ZFYVE9: variants seen among roughly 807,000 people sequenced by gnomAD.
ZFYVE9 encodes the protein zinc finger FYVE-type containing 9, also known as zinc finger FYVE domain-containing protein 9.
A neutral mutation model predicts 126.7 loss-of-function variants in ZFYVE9; 43 were observed. The observed-to-expected ratio is 0.34, with a 90% CI of 0.27 to 0.44. The LOEUF is 0.44. Among genes scored for constraint, ZFYVE9 ranks in the 20% least tolerant of loss-of-function variants. The pLI, the probability that ZFYVE9 is intolerant of heterozygous loss-of-function variation, is 1.00. For missense variants in ZFYVE9, 1,476 were observed against 1,697.0 expected (o/e 0.87, Z 2.29); for synonymous variants, 521 against 597.4 (o/e 0.87, Z 1.87).
In ZFYVE9 at chr1:52,263,753, TCC is replaced by T. The variant is rs58847260; in HGVS notation, c.2179-6_2179-5del. 3,962 of 709,446 alleles carry T rather than the reference TCC, an allele frequency of 5.6e-3. 6 individuals are homozygous for T. Among genetic ancestry groups the T allele is most frequent in the South Asian group, 0.021 (937 of 43,754 alleles). The allele number at this position is 709,446 out of a possible 1,614,324, so 43.9% of individuals were successfully genotyped here. A position where few individuals can be genotyped will look rare whatever the true frequency, so the allele number is the denominator to read the frequency against. ...ATCCCAAGTAAATTTTGTGTGTTCTTCCCCCCCCCCCCCCCACAGGTTTTCTG... is the reference window on the plus strand; with the variant it reads ...ATCCCAAGTAAATTTTGTGTGTTCTTCCCCCCCCCCCCCACAGGTTTTCTG... On this transcript the variant is annotated intron_variant, in intron 4 of 18. Coordinates refer to ENST00000287727, the MANE Select transcript of ZFYVE9 (RefSeq NM_004799.4).
chr1:52,207,683 TC>T (rs1275406897), intron 1 of ZFYVE9, among the ~76,000 whole-genome samples: 1 of 152,262 alleles, frequency 6.6e-6, no homozygotes, highest in Non-Finnish European at 1.5e-5. Context: ...ACTTTTTCGT[TC>T]CTAGTTTTCT....
chr1:52,318,555 G>A (rs183957607), intron 13 of ZFYVE9, among the ~76,000 whole-genome samples: 1 of 151,926 alleles, frequency 6.6e-6, no homozygotes, highest in African/African-American at 2.4e-5. Flanking sequence ...TGTTTTTATT[G>A]AGCATTGTAA....
At chr1:52,184,393 ATTTTTTTTTTT>A (rs57242903) in intron 1 of ZFYVE9, among the ~76,000 whole-genome samples, 1 of 115,072 alleles carries the variant, frequency 8.7e-6, no homozygotes, top group African/African-American at 3.4e-5. Flanking sequence ...AGTCCAGCTA[ATTTTTTTTTTT>A]TTTTTTTTTT....
intron 1 of ZFYVE9, chr1:52,180,045 A>T: frequency 1.2e-6 from 1 of 834,246 alleles, no homozygotes; most frequent in Non-Finnish European, 2.1e-6. Flanking sequence ...TGAATGTGCT[A>T]TTGAAATGTA....
At chr1:52,297,288 G>A (rs147385511) in intron 12 of ZFYVE9, among the ~76,000 whole-genome samples, 12 of 151,038 alleles carry the variant, frequency 7.9e-5, no homozygotes, top group Admixed American at 2.6e-4. Flanking sequence ...TGTTGTCCAG[G>A]CTGGAGTGCA....
intron 1 of ZFYVE9, among the ~76,000 whole-genome samples, chr1:52,179,406 G>A (rs1380670098): frequency 3.3e-5 from 5 of 151,788 alleles, no homozygotes; most frequent in African/African-American, 4.8e-5. Context: ...AGGCTGAGGC[G>A]GGCGGATTGT....
intron 1 of ZFYVE9, among the ~76,000 whole-genome samples, chr1:52,203,225 A>C (rs1034891219): frequency 1.3e-5 from 2 of 151,748 alleles, no homozygotes; most frequent in South Asian, 4.2e-4. Context: ...TCTTTTGCCC[A>C]GACTGGAGTG....
At chr1:52,256,679 GATA>G (rs775664160) in intron 4 of ZFYVE9, among the ~76,000 whole-genome samples, 5 of 152,336 alleles carry the variant, frequency 3.3e-5, no homozygotes, top group Non-Finnish European at 5.9e-5. Flanking sequence ...AAATGACTCT[GATA>G]ATTATTATTG....
intron 1 of ZFYVE9, among the ~76,000 whole-genome samples, chr1:52,181,796 G>C (rs967028030): frequency 2.0e-5 from 3 of 151,846 alleles, no homozygotes; most frequent in Non-Finnish European, 2.9e-5. Context: ...GAGGTGAGGA[G>C]CGTCTCTGGC....
chr1:52,183,361 A>G (rs2124544659), intron 1 of ZFYVE9, among the ~76,000 whole-genome samples: 2 of 152,372 alleles, frequency 1.3e-5, no homozygotes, highest in Admixed American at 1.3e-4. Context: ...ACCAACATAT[A>G]GAATACTCAA....
At chr1:52,233,368 G>A in intron 3 of ZFYVE9, 92 bp downstream of exon 3, 1 of 820,276 alleles carries the variant, frequency 1.2e-6, no homozygotes, top group Non-Finnish European at 1.8e-6. Context: ...ATAAAATCAG[G>A]TCTGATGACT....
intron 4 of ZFYVE9, among the ~76,000 whole-genome samples, chr1:52,250,785 C>T (rs985613297): frequency 1.3e-5 from 2 of 151,722 alleles, no homozygotes; most frequent in Admixed American, 1.3e-4. Flanking sequence ...TCTCAGCTCA[C>T]CGCATCCTCA....
intron 1 of ZFYVE9, among the ~76,000 whole-genome samples, chr1:52,177,059 A>G (rs964721259): frequency 1.3e-5 from 2 of 152,038 alleles, no homozygotes; most frequent in Non-Finnish European, 2.9e-5. Flanking sequence ...TCAGATGGAA[A>G]TGCAGAAATC....
At chr1:52,255,470 G>A (rs555142897) in intron 4 of ZFYVE9, among the ~76,000 whole-genome samples, 127 of 151,744 alleles carry the variant, frequency 8.4e-4, no homozygotes, top group Non-Finnish European at 1.7e-3. Context: ...CTGTAGTCCC[G>A]GCTACTCAGG....
rs76670892 is a variant in ZFYVE9 at position 52,334,719 on chromosome 1, C to T, written c.3621C>T (p.Gly1207=). The part of the protein sequence containing the change: ...VTGASFFVFS[G]ALKSSSGYLA... Reference sequence around the variant, plus strand: ...GTGCCAGTTTCTTTGTGTTCAGTGGCGCTCTGAAATCCTCTTCTGGATACC... The same window carrying T: ...GTGCCAGTTTCTTTGTGTTCAGTGGTGCTCTGAAATCCTCTTCTGGATACC... Residue 1207 remains glycine (G), a synonymous_variant, in exon 15 of 19, where the codon GGC becomes GGT. Transcript: ENST00000287727. 359 of 1,613,768 alleles carry T rather than the reference C, an allele frequency of 2.2e-4. No individual in the cohort carries two copies. The highest frequency in any genetic ancestry group is 5.8e-4 in the South Asian group (53 of 91,076).
At chr1:52,191,113 AT>A (rs1042762523) in intron 1 of ZFYVE9, among the ~76,000 whole-genome samples, 1 of 151,790 alleles carries the variant, frequency 6.6e-6, no homozygotes, top group African/African-American at 2.4e-5. Context: ...TAATTTTTGT[AT>A]TTTTTTGTAG....
At chr1:52,175,637 T>C (rs1052337416) in intron 1 of ZFYVE9, among the ~76,000 whole-genome samples, 2 of 152,124 alleles carry the variant, frequency 1.3e-5, no homozygotes, top group African/African-American at 4.8e-5. Flanking sequence ...CACTTTCAGG[T>C]ACACCATTCA....
chr1:52,267,302 A>T (rs1281038945), intron 6 of ZFYVE9, among the ~76,000 whole-genome samples: 2 of 152,196 alleles, frequency 1.3e-5, no homozygotes, highest in African/African-American at 4.8e-5. Context: ...AAAAATATGA[A>T]CATTTTTGTG....
chr1:52,278,392 C>T (rs1645768700), intron 8 of ZFYVE9, 100 bp from the exon 9 acceptor site: 1 of 1,461,020 alleles, frequency 6.8e-7, no homozygotes, highest in East Asian at 2.3e-5. Context: ...AAATCAAATG[C>T]ATGTCTCTTT....
Sources: allele counts gnomAD v4.1 joint callset (sites outside exome capture counted in the v4.1 genomes callset), GRCh38; gene constraint gnomAD v4.1.1; transcripts MANE v1.5; gene names NCBI Gene and HGNC (gene_info 2026-07-23, HGNC 2026-07-21).